The following CDH12 variants were observed in gnomAD, a reference collection of about 807,000 sequenced individuals.
The protein encoded by CDH12 is cadherin 12, also known as cadherin-12.
Under a neutral mutation model 74.1 loss-of-function variants are expected in CDH12, and 41 were observed. That is an observed-to-expected ratio of 0.55 (90% CI 0.43 to 0.72). The LOEUF is 0.72. Among genes scored for constraint, CDH12 ranks in the 30% least tolerant of loss-of-function variants. The pLI, the probability that CDH12 is intolerant of heterozygous loss-of-function variation, is 0.00. For missense variants in CDH12, 945 were observed against 977.2 expected (o/e 0.97, Z 0.44); for synonymous variants, 399 against 355.0 (o/e 1.12, Z -1.39).
intron 2 of CDH12, among the ~76,000 whole-genome samples, chr5:22,416,573 G>A (rs531461108): frequency 6.6e-6 from 1 of 152,248 alleles, no homozygotes; most frequent in South Asian, 2.1e-4. Flanking sequence ...AATCAAAAGT[G>A]TAGCTGCAAT....
intron 1 of CDH12, among the ~76,000 whole-genome samples, chr5:22,820,416 C>T (rs551897431): frequency 2.0e-5 from 3 of 151,932 alleles, no homozygotes; most frequent in South Asian, 4.2e-4. Flanking sequence ...GTGAATAAGT[C>T]TCATGAGATC....
At chr5:21,952,768 G>C (rs1233955681) in intron 6 of CDH12, among the ~76,000 whole-genome samples, 1 of 148,950 alleles carries the variant, frequency 6.7e-6, no homozygotes, top group Non-Finnish European at 1.5e-5. Context: ...TTTTCATCTT[G>C]CCCAAATTCC....
intron 4 of CDH12, chr5:22,142,323 T>C (rs941460570): frequency 1.4e-5 from 5 of 355,142 alleles, no homozygotes; most frequent in Non-Finnish European, 2.6e-5. Context: ...GAAGGGGTAC[T>C]GGCCTCATTG....
Position 22,835,973 on chromosome 5 carries a change from AT to A in CDH12, c.-523+17084del, listed in dbSNP as rs1260688518. On this transcript the variant is annotated intron_variant, in intron 1 of 14. Transcript: ENST00000382254. ...AATTTCAATGATGTTGGAAACTGCAATCTTCCTTTGTTCCCAGAGAGAGAGC... is the reference window on the plus strand; with the variant it reads ...AATTTCAATGATGTTGGAAACTGCAACTTCCTTTGTTCCCAGAGAGAGAGC... Among the ~76,000 whole-genome samples the A allele has an allele frequency of 6.4e-4, 97 of 152,244 alleles. 1 individual carries two copies. The highest frequency in any genetic ancestry group is 6.3e-3 in the Admixed American group (96 of 15,276).
At chr5:22,408,777 T>C (rs1743049431) in intron 2 of CDH12, among the ~76,000 whole-genome samples, 1 of 151,806 alleles carries the variant, frequency 6.6e-6, no homozygotes, top group Admixed American at 6.6e-5. Flanking sequence ...TCCACCACAT[T>C]TTAAAGACCT....
chr5:21,870,881 G>A (rs968423913), intron 6 of CDH12, among the ~76,000 whole-genome samples: 1 of 152,220 alleles, frequency 6.6e-6, no homozygotes, highest in Admixed American at 6.5e-5. Context: ...ATAGGCGTAT[G>A]CTACCACACC....
At chr5:22,263,234 G>A in intron 3 of CDH12, among the ~76,000 whole-genome samples, 1 of 152,112 alleles carries the variant, frequency 6.6e-6, no homozygotes. Context: ...GAAAAAGCTT[G>A]AGTGTTTCAT....
chr5:22,002,667 G>T (rs1196838923), intron 5 of CDH12, among the ~76,000 whole-genome samples: 1 of 151,914 alleles, frequency 6.6e-6, no homozygotes, highest in African/African-American at 2.4e-5. Flanking sequence ...GGACATGTGG[G>T]TGACTCTTTC....
At chr5:22,145,761 C>G (rs1192858040) in intron 4 of CDH12, among the ~76,000 whole-genome samples, 1 of 151,964 alleles carries the variant, frequency 6.6e-6, no homozygotes, top group African/African-American at 2.4e-5. Flanking sequence ...GACAGACATA[C>G]AGTAGGGACA....
intron 9 of CDH12, 137 bp from the exon 10 acceptor site, chr5:21,802,557 T>G: frequency 1.5e-6 from 1 of 660,784 alleles, no homozygotes; most frequent in East Asian, 2.8e-5. Flanking sequence ...TAATAACTAG[T>G]GGGTAAGGGC....
intron 6 of CDH12, among the ~76,000 whole-genome samples, chr5:21,855,105 G>T (rs559464968): frequency 4.0e-5 from 6 of 151,654 alleles, no homozygotes; most frequent in Non-Finnish European, 5.9e-5. Context: ...ACTTATATTA[G>T]CTCATCTGCT....
At chr5:21,940,414 C>T (rs1172062103) in intron 6 of CDH12, among the ~76,000 whole-genome samples, 2 of 152,116 alleles carry the variant, frequency 1.3e-5, no homozygotes, top group Non-Finnish European at 2.9e-5. Context: ...TTATAATTTA[C>T]ACTTATTGAA....
intron 2 of CDH12, among the ~76,000 whole-genome samples, chr5:22,458,656 C>CTTTCCAATTTTAATGCTTTCCATTAAAA (rs1466764774): frequency 2.0e-5 from 3 of 152,086 alleles, no homozygotes; most frequent in African/African-American, 7.2e-5. Flanking sequence ...AATTGATATG[C>CTTTCCAATTTTAATGCTTTCCATTAAAA]TTTCCAAATT....
At chr5:22,297,465 T>C (rs984188216) in intron 3 of CDH12, among the ~76,000 whole-genome samples, 2 of 152,244 alleles carry the variant, frequency 1.3e-5, no homozygotes, top group Admixed American at 6.5e-5. Context: ...TATGTATCTA[T>C]GCTGATATCT....
At chr5:22,285,284 G>T (rs1317962583) in intron 3 of CDH12, among the ~76,000 whole-genome samples, 3 of 151,960 alleles carry the variant, frequency 2.0e-5, no homozygotes, top group Non-Finnish European at 4.4e-5. Context: ...GGTTAAAGAC[G>T]TAACAACTTT....
At chr5:22,088,860 G>A (rs916038681) in intron 4 of CDH12, among the ~76,000 whole-genome samples, 4 of 152,214 alleles carry the variant, frequency 2.6e-5, no homozygotes, top group East Asian at 3.9e-4. Flanking sequence ...ACCAACCACC[G>A]CATGGCATGA....
intron 3 of CDH12, among the ~76,000 whole-genome samples, chr5:22,299,113 C>G (rs993236779): frequency 1.3e-5 from 2 of 152,108 alleles, no homozygotes; most frequent in Non-Finnish European, 2.9e-5. Context: ...AGAAACGGAA[C>G]CATACCTATA....
rs142949698 is a variant in CDH12 at position 22,073,638 on chromosome 5, T to C, written c.231+4808A>G. On this transcript the variant is annotated intron_variant, in intron 5 of 14. Coordinates refer to ENST00000382254, the MANE Select transcript of CDH12 (RefSeq NM_004061.5). ...TAATGTATTAAATTCACAGTGTGTA[T>C]GTGAGGAAAGCTTTACCTCTGTATA... Among the ~76,000 whole-genome samples, 474 of 152,286 alleles carry C rather than the reference T, an allele frequency of 3.1e-3. 2 individuals carry two copies. Among genetic ancestry groups the C allele is most frequent in the Non-Finnish European group, 5.0e-3 (342 of 68,006 alleles).
chr5:22,237,640 AG>A (rs1179170633), intron 3 of CDH12, among the ~76,000 whole-genome samples: 1 of 151,914 alleles, frequency 6.6e-6, no homozygotes, highest in East Asian at 1.9e-4. Context: ...TAAGTTATCC[AG>A]TTTATGGTAC....
Sources: gnomAD v4.1 joint callset for allele counts (sites outside exome capture counted in the v4.1 genomes callset) on GRCh38, gnomAD v4.1.1 for gene constraint, MANE v1.5 for transcripts, NCBI Gene and HGNC (gene_info 2026-07-23, HGNC 2026-07-21) for gene names.